SF3A1: variants seen among roughly 807,000 people sequenced by gnomAD.
The protein encoded by SF3A1 is SAP 114.
SF3A1 carries 13 observed loss-of-function variants against 89.9 expected under a neutral mutation model. The observed-to-expected ratio is 0.14, with a 90% CI of 0.09 to 0.23. SF3A1 has a LOEUF of 0.23. Ranked by LOEUF, SF3A1 falls within the 10% of genes least tolerant of loss-of-function variation. The pLI is 1.00. For missense variants in SF3A1, 604 were observed against 1,022.1 expected (o/e 0.59, Z 5.58); for synonymous variants, 405 against 374.4 (o/e 1.08, Z -0.94).
Position 30,338,813 on chromosome 22 carries a change from G to A in SF3A1, c.1719C>T (p.Ile573=). Residue 573 remains isoleucine, a synonymous_variant, in exon 11 of 16, where the codon ATC becomes ATT. Coordinates refer to ENST00000215793, the MANE Select transcript of SF3A1 (RefSeq NM_005877.6). ...ATNIPSSAPP[I]TSVPRPPTMP... The stretch of plus-strand genomic sequence containing the variant: ...CTGTGGGTGGTCGGGGCACTGAAGT[G>A]ATGGGTGGAGCCGAGCTGGGGATGT... 2 of 1,614,112 alleles carry A rather than the reference G, an allele frequency of 1.2e-6. No individual in the cohort carries two copies. The highest frequency in any genetic ancestry group is 1.1e-5 in the South Asian group (1 of 91,078).
At chr22:30,337,301 T>G in intron 12 of SF3A1, 121 bp from the exon 13 acceptor site, 4 of 981,440 alleles carry the variant, frequency 4.1e-6, no homozygotes, top group Non-Finnish European at 5.9e-6. Context: ...TCAAGTGCTG[T>G]TCCCTGCTAA....
intron 13 of SF3A1, among the ~76,000 whole-genome samples, chr22:30,336,501 G>A (rs534655419): frequency 1.3e-5 from 2 of 152,154 alleles, no homozygotes; most frequent in Admixed American, 6.5e-5. Flanking sequence ...AAATACATTG[G>A]GGGAGCAGAG....
intron 15 of SF3A1, 21 bp downstream of exon 15, chr22:30,335,446 T>A (rs1931035773): frequency 1.9e-6 from 3 of 1,608,146 alleles, no homozygotes; most frequent in Non-Finnish European, 2.6e-6. Flanking sequence ...AAGGGACAGG[T>A]CTGTGGACAA....
chr22:30,349,331 A>T (rs1170546787), intron 2 of SF3A1, among the ~76,000 whole-genome samples: 9 of 152,230 alleles, frequency 5.9e-5, no homozygotes, highest in Non-Finnish European at 1.2e-4. Context: ...CCCAGGTGGG[A>T]GTGCAGTGGC....
chr22:30,342,277 TC>T lies in SF3A1; in HGVS notation c.799del (p.Glu267SerfsTer200), dbSNP rs1444730840. The T allele has an allele frequency of 6.2e-7, 1 of 1,614,140 alleles. No individual in the cohort carries two copies. The highest frequency in any genetic ancestry group is 8.5e-7 in the Non-Finnish European group (1 of 1,180,014). ...RKKEEEEKEK[E>X]RVAYAQIDWH... ...GTCGATCTGAGCATAGGCCACCCGC[TC>T]CTTCTCCTTCTCCTCTTCTTCCTTC... On this transcript the variant is annotated frameshift_variant, in exon 6 of 16. Transcript: ENST00000215793. LOFTEE classifies it high-confidence loss of function.
intron 2 of SF3A1, among the ~76,000 whole-genome samples, chr22:30,349,683 TGA>T (rs1199725701): frequency 6.9e-6 from 1 of 144,576 alleles, no homozygotes; most frequent in African/African-American, 2.5e-5. Flanking sequence ...TTTTTTTTTT[TGA>T]GATAGGGTCT....
intron 15 of SF3A1, among the ~76,000 whole-genome samples, chr22:30,335,083 C>T (rs1163905693): frequency 6.6e-6 from 1 of 152,190 alleles, no homozygotes; most frequent in Non-Finnish European, 1.5e-5. Context: ...TTAATGCCTC[C>T]ATGTGACCTG....
chr22:30,340,941 C>CAGGGCAGCTG, intron 7 of SF3A1, 129 bp from the exon 8 acceptor site: 1 of 642,744 alleles, frequency 1.6e-6, no homozygotes, highest in East Asian at 2.9e-5. Flanking sequence ...CTAAGCCTCC[C>CAGGGCAGCTG]AGGGCAGCTG....
chr22:30,336,913 A>G (rs1330759606), intron 13 of SF3A1, 113 bp downstream of exon 13: 1 of 1,247,420 alleles, frequency 8.0e-7, no homozygotes, highest in Non-Finnish European at 1.2e-6. Context: ...CAGCTGACCT[A>G]GGCCCCAGAA....
At chr22:30,335,008 C>T (rs1227212673) in intron 15 of SF3A1, among the ~76,000 whole-genome samples, 2 of 152,216 alleles carry the variant, frequency 1.3e-5, no homozygotes, top group African/African-American at 4.8e-5. Flanking sequence ...AGCCCAACAG[C>T]CTCAATGGAT....
intron 13 of SF3A1, among the ~76,000 whole-genome samples, chr22:30,336,053 C>A (rs915105368): frequency 6.6e-6 from 1 of 152,186 alleles, no homozygotes; most frequent in African/African-American, 2.4e-5. Flanking sequence ...CCTGCAGGGT[C>A]GGAAGACCTG....
At chr22:30,343,330 A>G (rs1305287623) in intron 4 of SF3A1, among the ~76,000 whole-genome samples, 6 of 152,180 alleles carry the variant, frequency 3.9e-5, no homozygotes, top group Admixed American at 3.9e-4. Flanking sequence ...ATTTAGCACC[A>G]TGTAACAGAC....
chr22:30,340,651 G>C (rs1569171390), intron 8 of SF3A1, 44 bp downstream of exon 8: 2 of 1,237,364 alleles, frequency 1.6e-6, no homozygotes, highest in South Asian at 2.4e-5. Flanking sequence ...GGGCACACAG[G>C]ACTTCCTGGG....
intron 8 of SF3A1, 32 bp downstream of exon 8, chr22:30,340,660 GGCA>G (rs901953454): frequency 3.0e-6 from 4 of 1,343,676 alleles, no homozygotes; most frequent in Admixed American, 1.7e-5. Flanking sequence ...GGACTTCCTG[GGCA>G]GCCCGAGGGT....
At chr22:30,337,221 G>C (rs765751217) in intron 12 of SF3A1, 41 bp from the exon 13 acceptor site, 1 of 1,564,864 alleles carries the variant, frequency 6.4e-7, no homozygotes, top group Non-Finnish European at 8.6e-7. Context: ...GAGGGCAGAA[G>C]GGGCCCAGGA....
Position 30,337,130 on chromosome 22 carries a change from G to A in SF3A1, c.2002C>T (p.Pro668Ser). Residue 668 changes from proline to serine, a missense_variant, in exon 13 of 16, where the codon CCC becomes TCC. By Grantham distance (74) the Pro-to-Ser change is moderately conservative. This residue lies in a region of SF3A1 where 45 missense variants were observed against 41.1 expected (regional missense o/e 1.09). Coordinates refer to ENST00000215793, the MANE Select transcript of SF3A1 (RefSeq NM_005877.6). ...ATGGGAGGTGGGGGATGCACAGGGG[G>A]CATTGGGGCTGGAGCTGGGACAGGT... ...VAPVPAPAPM[P>S]PVHPPPPMED... 1.2e-6 allele frequency: 2 copies of A among 1,613,932 alleles called. No individual in the cohort carries two copies. The highest frequency in any genetic ancestry group is 1.7e-6 in the Non-Finnish European group (2 of 1,179,902).
At chr22:30,341,421 C>T (rs1245755847) in intron 7 of SF3A1, among the ~76,000 whole-genome samples, 1 of 152,154 alleles carries the variant, frequency 6.6e-6, no homozygotes, top group Non-Finnish European at 1.5e-5. Flanking sequence ...AGGGCTGGCA[C>T]GAGGCAGTGA....
At chr22:30,346,560 T>G in intron 2 of SF3A1, 41 bp from the exon 3 acceptor site, 1 of 1,604,744 alleles carries the variant, frequency 6.2e-7, no homozygotes, top group Non-Finnish European at 8.5e-7. Context: ...ACCACTCCCT[T>G]GTGCCTGCTG....
chr22:30,339,114 T>C lies in SF3A1; in HGVS notation c.1497+16A>G, dbSNP rs545934202. On this transcript the variant is annotated intron_variant, in intron 10 of 15. Coordinates refer to ENST00000215793, the MANE Select transcript of SF3A1 (RefSeq NM_005877.6). ...ACGGGGGGCAGAGAAGGCACTAGGT[T>C]CCACTTTAGCCGCACCTTTTCCTCT... is the stretch of plus-strand genomic sequence containing the variant. The C allele has an allele frequency of 8.1e-6, 13 of 1,613,904 alleles. No individual in the cohort carries two copies. In the South Asian group the frequency reaches 1.4e-4, roughly 18 times the overall value.
Sources: allele counts gnomAD v4.1 joint callset (sites outside exome capture counted in the v4.1 genomes callset), GRCh38; gene constraint gnomAD v4.1.1; regional missense constraint gnomAD v4.1.1; transcripts MANE v1.5; gene names NCBI Gene and HGNC (gene_info 2026-07-23, HGNC 2026-07-21).